CPB2: variants seen among roughly 807,000 people sequenced by gnomAD.
The protein encoded by CPB2 is carboxypeptidase B2, also known as carboxypeptidase B-like protein.
In CPB2, 54 loss-of-function variants were observed where a neutral mutation model predicts 57.0. The observed-to-expected ratio is 0.95, with a 90% CI of 0.76 to 1.19. The LOEUF (loss-of-function observed/expected upper bound fraction) is 1.19, where lower values mean the gene tolerates loss of function less well. Among genes scored for constraint, CPB2 ranks in the 50% most tolerant of loss-of-function variants. The probability of loss-of-function intolerance (pLI) is 0.00; values close to 1 mark genes in which losing one functional copy is unlikely to be tolerated. For missense variants in CPB2, 426 were observed against 512.0 expected (o/e 0.83, Z 1.62); for synonymous variants, 189 against 178.1 (o/e 1.06, Z -0.49).
At chr13:46,092,119 T>C (rs1344058913) in intron 1 of CPB2, among the ~76,000 whole-genome samples, 1 of 152,192 alleles carries the variant, frequency 6.6e-6, no homozygotes, top group Non-Finnish European at 1.5e-5. Context: ...TATTTTAAAT[T>C]AGAAAAAATG....
chr13:46,067,093 G>A (rs17844104), intron 7 of CPB2, among the ~76,000 whole-genome samples: 13,174 of 151,890 alleles, frequency 0.087, 868 homozygotes, highest in Non-Finnish European at 0.13. Flanking sequence ...CTGGTCATGA[G>A]TTAATTATTG....
intron 1 of CPB2, chr13:46,099,691 T>G (rs1176568533): frequency 1.3e-5 from 2 of 152,198 alleles, no homozygotes; most frequent in African/African-American, 4.8e-5. Context: ...GGTATTCTTA[T>G]TTAATCCTCA....
intron 6 of CPB2, chr13:46,073,536 A>T: frequency 2.2e-6 from 2 of 902,066 alleles, no homozygotes; most frequent in Non-Finnish European, 2.6e-6. Flanking sequence ...AAATAAATTA[A>T]TTGGGCCCCA....
chr13:46,091,814 G>T (rs115832400), intron 1 of CPB2, among the ~76,000 whole-genome samples: 1,902 of 152,284 alleles, frequency 0.012, 35 homozygotes, highest in African/African-American at 0.042. Context: ...ACTTAGAAAA[G>T]AAAGAATTTC....
chr13:46,064,512 C>G lies in CPB2; in HGVS notation c.796+136G>C, dbSNP rs566102433. Reference sequence around the variant, plus strand: ...CCAACAGTCGCAGCATTACATTTACCTAAGCATTTATCATTTAAATTATTC... The same window carrying G: ...CCAACAGTCGCAGCATTACATTTACGTAAGCATTTATCATTTAAATTATTC... On this transcript the variant is annotated intron_variant, in intron 8 of 10. Transcript: ENST00000181383. The G allele has an allele frequency of 2.9e-4, 197 of 690,192 alleles. 1 individual carries two copies. In the African/African-American group the frequency reaches 2.9e-3, roughly 10 times the overall value. The allele number at this position is 690,192 out of a possible 1,614,324, so 42.8% of individuals were successfully genotyped here.
chr13:46,067,276 C>T, intron 7 of CPB2, 31 bp downstream of exon 7: 4 of 1,106,340 alleles, frequency 3.6e-6, no homozygotes, highest in Non-Finnish European at 5.6e-6. Flanking sequence ...CCAAGGAGAA[C>T]ATGATTTGTC....
intron 7 of CPB2, among the ~76,000 whole-genome samples, chr13:46,065,195 A>G (rs1450507092): frequency 1.3e-5 from 2 of 152,132 alleles, no homozygotes; most frequent in Non-Finnish European, 2.9e-5. Context: ...TCCCCTTTCA[A>G]AGCTAGAAAA....
At chr13:46,058,972 C>T (rs1473004006) in intron 8 of CPB2, among the ~76,000 whole-genome samples, 1 of 152,200 alleles carries the variant, frequency 6.6e-6, no homozygotes, top group Admixed American at 6.5e-5. Context: ...CACTTCTCCC[C>T]CTGTCCCTAA....
intron 4 of CPB2, 71 bp from the exon 5 acceptor site, chr13:46,078,972 A>G: frequency 1.1e-6 from 1 of 951,470 alleles, no homozygotes; most frequent in South Asian, 1.4e-5. Context: ...AAGCAAGCAG[A>G]CAACTTCTTC....
intron 1 of CPB2, among the ~76,000 whole-genome samples, chr13:46,088,177 T>TG (rs1474177139): frequency 6.6e-6 from 1 of 152,202 alleles, no homozygotes; most frequent in African/African-American, 2.4e-5. Flanking sequence ...TGAATGCCTG[T>TG]GAACCCATCA....
At chr13:46,062,119 C>A (rs2044783829) in intron 8 of CPB2, among the ~76,000 whole-genome samples, 1 of 150,872 alleles carries the variant, frequency 6.6e-6, no homozygotes, top group South Asian at 2.1e-4. Context: ...TAGCACCATG[C>A]CCAAGAGGGG....
chr13:46,093,293 A>G lies in CPB2; in HGVS notation c.75-5473T>C, dbSNP rs576449138. ...TATTCTGAATTCTGGAAATAAGTCT[A>G]TGGAGAGACTTGCTTATTAGAAGAG... On this transcript the variant is annotated intron_variant, in intron 1 of 10. Coordinates refer to ENST00000181383, the MANE Select transcript of CPB2 (RefSeq NM_001872.5). Among the ~76,000 whole-genome samples, 365 of 152,350 alleles carry G rather than the reference A, an allele frequency of 2.4e-3. 2 individuals carry two copies. The highest frequency in any genetic ancestry group is 6.3e-3 in the Admixed American group (97 of 15,304).
intron 6 of CPB2, among the ~76,000 whole-genome samples, chr13:46,069,258 C>T (rs2044902081): frequency 6.6e-6 from 1 of 152,180 alleles, no homozygotes; most frequent in African/African-American, 2.4e-5. Flanking sequence ...GTGCTGTGTG[C>T]CAAGCCACAC....
At chr13:46,093,865 G>A (rs1176795164) in intron 1 of CPB2, among the ~76,000 whole-genome samples, 1 of 152,014 alleles carries the variant, frequency 6.6e-6, no homozygotes, top group Non-Finnish European at 1.5e-5. Flanking sequence ...TACCCAGGGA[G>A]GTATAACTAT....
At chr13:46,084,378 AAAG>A in intron 2 of CPB2, 35 bp from the exon 3 acceptor site, 1 of 1,612,310 alleles carries the variant, frequency 6.2e-7, no homozygotes, top group Non-Finnish European at 8.5e-7. Context: ...TAAAATTAAA[AAAG>A]AGTTGTTCAC....
chr13:46,086,686 G>T (rs868765127), intron 2 of CPB2, among the ~76,000 whole-genome samples: 1 of 152,214 alleles, frequency 6.6e-6, no homozygotes, highest in South Asian at 2.1e-4. Context: ...CCAGGGACCC[G>T]CCCTTTTCTG....
chr13:46,082,020 G>A (rs1210507218), intron 4 of CPB2, among the ~76,000 whole-genome samples: 1 of 152,184 alleles, frequency 6.6e-6, no homozygotes, highest in African/African-American at 2.4e-5. Context: ...ATTAGTTATA[G>A]TGTATTAAAT....
chr13:46,090,745 A>T, intron 1 of CPB2, among the ~76,000 whole-genome samples: 1 of 149,000 alleles, frequency 6.7e-6, no homozygotes, highest in African/African-American at 2.5e-5. Flanking sequence ...TCTTTTTGAG[A>T]CGGAGTCTCG....
chr13:46,056,718 G>C (rs1439698744), intron 9 of CPB2, among the ~76,000 whole-genome samples: 2 of 152,046 alleles, frequency 1.3e-5, no homozygotes, highest in Non-Finnish European at 2.9e-5. Flanking sequence ...CAACTTCTTT[G>C]CTTGGAAGGT....
Sources: allele counts gnomAD v4.1 joint callset (sites outside exome capture counted in the v4.1 genomes callset), GRCh38; gene constraint gnomAD v4.1.1; transcripts MANE v1.5; gene names NCBI Gene and HGNC (gene_info 2026-07-23, HGNC 2026-07-21).